RHOBTB3: variants seen among roughly 807,000 people sequenced by gnomAD.
RHOBTB3 encodes the protein Rho related BTB domain containing 3.
RHOBTB3 carries 47 observed loss-of-function variants against 67.2 expected under a neutral mutation model. That is an observed-to-expected ratio of 0.70 (90% CI 0.55 to 0.89). RHOBTB3 has a LOEUF of 0.89. RHOBTB3 is among the 40% of genes least tolerant of loss of function. The pLI, the probability that RHOBTB3 is intolerant of heterozygous loss-of-function variation, is 0.00. For synonymous variants in RHOBTB3, 273 were observed against 274.2 expected (o/e 1.00, Z 0.04); for missense variants, 631 against 750.0 (o/e 0.84, Z 1.85).
At chr5:95,778,542 C>A (rs776585284) in intron 8 of RHOBTB3, among the ~76,000 whole-genome samples, 4 of 152,012 alleles carry the variant, frequency 2.6e-5, no homozygotes, top group Non-Finnish European at 5.9e-5. Context: ...TCAACAATTT[C>A]TGTTAAAATT....
At chr5:95,752,189 G>T in intron 4 of RHOBTB3, 50 bp from the exon 5 acceptor site, 1 of 1,106,696 alleles carries the variant, frequency 9.0e-7, no homozygotes, top group Non-Finnish European at 1.3e-6. Flanking sequence ...TTTTCATGTT[G>T]GATATATAGT....
rs562721086 is a variant in RHOBTB3 at position 95,751,178 on chromosome 5, C to T, written c.571-1061C>T. ...AGGACAGATTTTAAAGAAATTTGTT[C>T]AAGAGAAGAAAGCGAAGTTTCCTGG... On this transcript the variant is annotated intron_variant, in intron 4 of 11. Coordinates refer to ENST00000379982, the MANE Select transcript of RHOBTB3 (RefSeq NM_014899.4). 1.2e-4 allele frequency: 18 copies of T among 152,196 alleles called. No homozygotes were observed. In the South Asian group the frequency reaches 3.7e-3, roughly 32 times the overall value. The allele number at this position is 152,196 out of a possible 1,614,324, so 9.4% of individuals were successfully genotyped here.
rs532291133 is a variant in RHOBTB3, at chr5:95,767,232, C to T, written c.1162-814C>T. Among the ~76,000 whole-genome samples, 15 of 152,152 alleles carry T rather than the reference C, an allele frequency of 9.9e-5. 1 individual carries two copies. In the South Asian group the frequency reaches 3.1e-3, roughly 32 times the overall value. ...TCTCAAAAAAGATGGAGGTGAACCA[C>T]TTCATTACTCTACGTTATTTTTTTA... On this transcript the variant is annotated intron_variant, in intron 7 of 11. Coordinates refer to ENST00000379982, the MANE Select transcript of RHOBTB3 (RefSeq NM_014899.4).
intron 6 of RHOBTB3, among the ~76,000 whole-genome samples, chr5:95,763,175 C>T (rs1354908951): frequency 3.3e-5 from 5 of 152,178 alleles, no homozygotes; most frequent in African/African-American, 1.2e-4. Context: ...CCTTTTTACT[C>T]AGGGCAAGTA....
chr5:95,793,858 C>T lies in RHOBTB3; in HGVS notation c.*684C>T, dbSNP rs909254766. The stretch of plus-strand genomic sequence containing the variant: ...GCACAGGGCCCACACTTAGAAGGAC[C>T]CCACACTTGGTTCAAGGCTCTGCTA... On this transcript the variant is annotated 3_prime_UTR_variant, in exon 12 of 12. Coordinates refer to ENST00000379982, the MANE Select transcript of RHOBTB3 (RefSeq NM_014899.4). 13 of 384,604 alleles carry T rather than the reference C, an allele frequency of 3.4e-5. No individual in the cohort carries two copies. The highest frequency in any genetic ancestry group is 6.1e-5 in the Non-Finnish European group (12 of 195,294). The allele number at this position is 384,604 out of a possible 1,614,324, so 23.8% of individuals were successfully genotyped here.
chr5:95,790,911 A>T (rs866184238), intron 11 of RHOBTB3, among the ~76,000 whole-genome samples: 3 of 152,232 alleles, frequency 2.0e-5, no homozygotes, highest in Non-Finnish European at 2.9e-5. Context: ...CTTTTGAAAA[A>T]TTGGAAGATC....
chr5:95,779,852 C>A (rs898395649), intron 8 of RHOBTB3, among the ~76,000 whole-genome samples: 1 of 152,106 alleles, frequency 6.6e-6, no homozygotes, highest in Non-Finnish European at 1.5e-5. Context: ...TTCTGTGAGT[C>A]AGGCCCAGAA....
intron 3 of RHOBTB3, among the ~76,000 whole-genome samples, chr5:95,744,240 A>C (rs1290048453): frequency 2.0e-5 from 3 of 152,124 alleles, no homozygotes; most frequent in Non-Finnish European, 2.9e-5. Flanking sequence ...TCTTAACTGT[A>C]GTGCCCCTCT....
intron 11 of RHOBTB3, among the ~76,000 whole-genome samples, chr5:95,789,881 A>T (rs1746327402): frequency 6.6e-6 from 1 of 152,252 alleles, no homozygotes; most frequent in Admixed American, 6.5e-5. Context: ...CAAGATGGTG[A>T]TTCCACCTCG....
At chr5:95,753,908 G>A (rs756269426) in intron 5 of RHOBTB3, among the ~76,000 whole-genome samples, 2 of 152,030 alleles carry the variant, frequency 1.3e-5, no homozygotes, top group Non-Finnish European at 2.9e-5. Flanking sequence ...TCAGGAGTTC[G>A]AGACCAGTCT....
intron 2 of RHOBTB3, among the ~76,000 whole-genome samples, chr5:95,734,076 A>G (rs544720257): frequency 2.0e-5 from 3 of 152,350 alleles, no homozygotes; most frequent in African/African-American, 7.2e-5. Flanking sequence ...GCTGGCATTT[A>G]GTAGATGCTC....
Position 95,739,973 on chromosome 5 carries a change from G to A in RHOBTB3, c.415+2898G>A, listed in dbSNP as rs2431343. Among the ~76,000 whole-genome samples the A allele has an allele frequency of 4.0e-3, 605 of 152,266 alleles. 2 individuals carry two copies. Among genetic ancestry groups the A allele is most frequent in the Non-Finnish European group, 6.6e-3 (446 of 68,024 alleles). On this transcript the variant is annotated intron_variant, in intron 3 of 11. Coordinates refer to ENST00000379982, the MANE Select transcript of RHOBTB3 (RefSeq NM_014899.4). ...GGCTGTGTCCCCACACAAATCTCAC[G>A]TTGAATTGTCATAATCCCCATGTGT...
At chr5:95,734,172 C>A (rs533186788) in intron 2 of RHOBTB3, among the ~76,000 whole-genome samples, 1 of 152,284 alleles carries the variant, frequency 6.6e-6, no homozygotes, top group South Asian at 2.1e-4. Flanking sequence ...GTAAGATTTT[C>A]ACAGGTCATT....
chr5:95,733,990 A>G (rs1234502672), intron 2 of RHOBTB3, among the ~76,000 whole-genome samples: 1 of 152,192 alleles, frequency 6.6e-6, no homozygotes, highest in Non-Finnish European at 1.5e-5. Context: ...TTCCCTATCT[A>G]TAAAATAATA....
At position 95,755,408 on chromosome 5, in the gene RHOBTB3, T is replaced by A. The variant is rs1297611958; in HGVS notation, c.695T>A (p.Val232Asp). 2.6e-6 allele frequency: 4 copies of A among 1,546,604 alleles called. No homozygotes were observed. The highest frequency in any genetic ancestry group is 2.6e-6 in the Non-Finnish European group (3 of 1,149,544). The change falls in exon 6 of 12, where the codon GTC becomes GAC. Residue 232 changes from valine to aspartate, a missense_variant. By Grantham distance (152) the Val-to-Asp change is radical (BLOSUM62 -3). Coordinates refer to ENST00000379982, the MANE Select transcript of RHOBTB3 (RefSeq NM_014899.4). ...PQLEQPEKMP[V>D]LKAEASHYNS... Reference sequence around the variant, plus strand: ...TTTTTCAAAACAGAAAAAATGCCTGTCTTAAAGGCTGAAGCGTCACATTAT... The same window carrying A: ...TTTTTCAAAACAGAAAAAATGCCTGACTTAAAGGCTGAAGCGTCACATTAT...
rs1194657035 is a variant in RHOBTB3, at chr5:95,794,208, A to G, written c.*1034A>G. The stretch of plus-strand genomic sequence containing the variant: ...AGTTCTTGCTCTATCATAGATGAAC[A>G]AATACTTTCTTGATCATTCTGTAAG... On this transcript the variant is annotated 3_prime_UTR_variant, in exon 12 of 12. Coordinates refer to ENST00000379982, the MANE Select transcript of RHOBTB3 (RefSeq NM_014899.4). 3.2e-6 allele frequency: 1 copy of G among 315,494 alleles called. No homozygotes were observed. Among genetic ancestry groups the G allele is most frequent in the African/African-American group, 2.2e-5 (1 of 45,988 alleles). The allele number at this position is 315,494 out of a possible 1,614,324, so 19.5% of individuals were successfully genotyped here.
chr5:95,786,795 T>C (rs912916035), intron 10 of RHOBTB3, among the ~76,000 whole-genome samples: 3 of 152,204 alleles, frequency 2.0e-5, no homozygotes, highest in Admixed American at 1.3e-4. Flanking sequence ...TTTTAAAAAT[T>C]CTGTTGCTTA....
At chr5:95,792,791 C>CAAAAAAAAA (rs768296765) in intron 11 of RHOBTB3, among the ~76,000 whole-genome samples, 1 of 69,678 alleles carries the variant, frequency 1.4e-5, no homozygotes. Context: ...GACTCCATCT[C>CAAAAAAAAA]AAAAAAAAAA....
upstream of RHOBTB3, chr5:95,731,048 C>A: frequency 9.7e-6 from 10 of 1,032,270 alleles, no homozygotes; most frequent in South Asian, 1.7e-5. Context: ...GCTCTGGTTA[C>A]GGCCTTGCGA....
Sources: allele counts gnomAD v4.1 joint callset (sites outside exome capture counted in the v4.1 genomes callset), GRCh38; gene constraint gnomAD v4.1.1; transcripts MANE v1.5; gene names NCBI Gene and HGNC (gene_info 2026-07-23, HGNC 2026-07-21).